The following PCDHGA1 variants were observed in gnomAD, a reference collection of about 807,000 sequenced individuals.
PCDHGA1 encodes the protein protocadherin gamma-A1.
Under a neutral mutation model 58.0 loss-of-function variants are expected in PCDHGA1, and 32 were observed. The ratio of observed to expected loss-of-function variants is 0.55; its 90% CI spans 0.42 to 0.74. PCDHGA1 has a LOEUF of 0.74. Among genes scored for constraint, PCDHGA1 ranks in the 30% least tolerant of loss-of-function variants. The pLI, the probability that PCDHGA1 is intolerant of heterozygous loss-of-function variation, is 0.00. For missense variants in PCDHGA1, 1,205 were observed against 1,182.3 expected (o/e 1.02, Z -0.28); for synonymous variants, 498 against 501.1 (o/e 0.99, Z 0.08).
At position 141,376,453 on chromosome 5, in the gene PCDHGA1, T is replaced by G. The variant is rs779136467; in HGVS notation, c.2421+43348T>G. On this transcript the variant is annotated intron_variant, in intron 1 of 3. Transcript: ENST00000517417. ...AGGAGAGCTATGAGAAAAGCGAGCC[T>G]CTTCTGATAACTCAGGATTTACTTG... The G allele has an allele frequency of 1.9e-6, 3 of 1,614,166 alleles. No homozygotes were observed. The South Asian group carries it at 3.3e-5, about 18-fold the overall frequency.
At chr5:141,459,984 A>G (rs906041823) in intron 1 of PCDHGA1, among the ~76,000 whole-genome samples, 4 of 152,216 alleles carry the variant, frequency 2.6e-5, no homozygotes, top group Non-Finnish European at 5.9e-5. Flanking sequence ...AGGCTGAGAC[A>G]GGAGAATCGC....
At position 141,427,298 on chromosome 5, in the gene PCDHGA1, G is replaced by A. The variant is rs960474831; in HGVS notation, c.2422-67509G>A. The A allele has an allele frequency of 8.8e-6, 4 of 456,870 alleles. No individual in the cohort carries two copies. The Admixed American group carries it at 9.4e-5, about 11-fold the overall frequency. 28.3% of individuals were successfully genotyped at this position (456,870 alleles called of 1,614,324 possible). A position where few individuals can be genotyped will look rare whatever the true frequency, so the allele number is the denominator to read the frequency against. On this transcript the variant is annotated intron_variant, in intron 1 of 3. Coordinates refer to ENST00000517417, the MANE Select transcript of PCDHGA1 (RefSeq NM_018912.3). ...AAATTATACTAGAAATCCTAGATGA[G>A]AATGACAATGCCCCAGACGTGGTTT...
At chr5:141,370,852 C>T (rs558873325) in intron 1 of PCDHGA1, 5 of 1,614,018 alleles carry the variant, frequency 3.1e-6, no homozygotes, top group Non-Finnish European at 4.2e-6. Flanking sequence ...GCCACATTTG[C>T]CCTGGAATCT....
chr5:141,365,125 C>T, intron 1 of PCDHGA1: 2 of 1,613,882 alleles, frequency 1.2e-6, no homozygotes, highest in Non-Finnish European at 1.7e-6. Context: ...TCATGCTAAC[C>T]GCCACGGATC....
chr5:141,364,094 A>C (rs4151697), intron 1 of PCDHGA1: 1 of 397,748 alleles, frequency 2.5e-6, no homozygotes, highest in Non-Finnish European at 4.4e-6. Flanking sequence ...ATGGAATTTG[A>C]TGCAGTCACT....
intron 1 of PCDHGA1, chr5:141,352,795 G>A (rs1759110396): frequency 1.0e-6 from 1 of 954,294 alleles, no homozygotes; most frequent in Non-Finnish European, 1.5e-6. Context: ...TTTGAGACCA[G>A]CATAGCCAAG....
chr5:141,428,731 A>G (rs1290064919), intron 1 of PCDHGA1: 1 of 159,494 alleles, frequency 6.3e-6, no homozygotes, highest in Non-Finnish European at 1.4e-5. Context: ...TCTTAAACAT[A>G]TTATATCTAC....
Position 141,331,243 on chromosome 5 carries a change from G to A in PCDHGA1, c.559G>A (p.Asp187Asn), listed in dbSNP as rs76571170. The A allele has an allele frequency of 0.045, 72,816 of 1,614,006 alleles. 1,859 individuals are homozygous for A. The highest frequency in any genetic ancestry group is 0.062 in the South Asian group (5,685 of 91,068). Residue 187 changes from aspartate to asparagine, a missense_variant, in exon 1 of 4, where the codon GAT (aspartate) becomes AAT (asparagine). Physicochemically the swap from Asp to Asn is conservative, Grantham distance 23. Transcript: ENST00000517417. ...CTCCCTGGATGTGCAACAGGGAGCC[G>A]ATGGGCCTCAACATCCAGAGATGGT... Reference protein sequence around the residue: ...HFSLDVQQGADGPQHPEMVLQ... With the variant: ...HFSLDVQQGANGPQHPEMVLQ...
chr5:141,384,035 A>G (rs774600484), intron 1 of PCDHGA1: 2 of 1,613,378 alleles, frequency 1.2e-6, no homozygotes, highest in Non-Finnish European at 1.7e-6. Context: ...TCTGGAAAGA[A>G]TGGTGAGGTG....
intron 1 of PCDHGA1, chr5:141,428,187 C>T: frequency 1.4e-6 from 2 of 1,439,502 alleles, no homozygotes; most frequent in Non-Finnish European, 1.9e-6. Context: ...GGACAGCCGC[C>T]GCTCTCTGCG....
At chr5:141,482,442 C>A (rs942933015) in intron 1 of PCDHGA1, among the ~76,000 whole-genome samples, 23 of 147,678 alleles carry the variant, frequency 1.6e-4, no homozygotes, top group African/African-American at 5.6e-4. Context: ...CTGATATTCA[C>A]CATTTATTAG....
chr5:141,395,511 T>G, intron 1 of PCDHGA1: 3 of 425,438 alleles, frequency 7.1e-6, no homozygotes, highest in Non-Finnish European at 1.3e-5. Context: ...AAGAAGTAGC[T>G]ACCCGTCCAT....
rs112657435 is a variant in PCDHGA1, at chr5:141,360,032, T to C, written c.2421+26927T>C. 2,408 of 1,390,562 alleles carry C rather than the reference T, an allele frequency of 1.7e-3. 36 individuals carry two copies. In the African/African-American group the frequency reaches 0.032, roughly 18 times the overall value. The allele number at this position is 1,390,562 out of a possible 1,614,324, so 86.1% of individuals were successfully genotyped here. A position where few individuals can be genotyped will look rare whatever the true frequency, so the allele number is the denominator to read the frequency against. On this transcript the variant is annotated intron_variant, in intron 1 of 3. Coordinates refer to ENST00000517417, the MANE Select transcript of PCDHGA1 (RefSeq NM_018912.3). ...CCACACAGAGAAGGCCAGTATAGAT[T>C]CGGAAACAGAAAACAAAAGCAGGAA...
chr5:141,419,145 A>T, intron 1 of PCDHGA1: 1 of 1,613,940 alleles, frequency 6.2e-7, no homozygotes, highest in Non-Finnish European at 8.5e-7. Flanking sequence ...GACAGGGGCA[A>T]GCCTCCGTTA....
chr5:141,408,556 T>C (rs1215804867), intron 1 of PCDHGA1: 3 of 1,613,940 alleles, frequency 1.9e-6, no homozygotes, highest in Non-Finnish European at 2.5e-6. Context: ...ATATTTTTCA[T>C]GTCATTGTGG....
intron 1 of PCDHGA1, chr5:141,364,277 A>G (rs1763252394): frequency 1.3e-6 from 2 of 1,515,318 alleles, no homozygotes; most frequent in East Asian, 2.3e-5. Flanking sequence ...TTAGATAAAT[A>G]AGGAAACAGC....
At chr5:141,457,125 C>T (rs1011977795) in intron 1 of PCDHGA1, among the ~76,000 whole-genome samples, 3 of 152,236 alleles carry the variant, frequency 2.0e-5, no homozygotes, top group Admixed American at 6.5e-5. Flanking sequence ...GCAATGGAAA[C>T]TCTGTCCAAT....
chr5:141,375,462 A>G, intron 1 of PCDHGA1: 2 of 1,613,908 alleles, frequency 1.2e-6, no homozygotes, highest in Non-Finnish European at 1.7e-6. Flanking sequence ...TACTCAGTCT[A>G]TGTCCTTGAA....
intron 1 of PCDHGA1, among the ~76,000 whole-genome samples, chr5:141,464,151 G>A (rs2099076865): frequency 6.6e-6 from 1 of 151,818 alleles, no homozygotes; most frequent in Non-Finnish European, 1.5e-5. Flanking sequence ...TGTAGTCCCA[G>A]CTACTTGGAA....
Sources: gnomAD v4.1 joint callset for allele counts (sites outside exome capture counted in the v4.1 genomes callset) on GRCh38, gnomAD v4.1.1 for gene constraint, MANE v1.5 for transcripts, NCBI Gene and HGNC (gene_info 2026-07-23, HGNC 2026-07-21) for gene names.